Variants in RAD21L1 observed in about 807,000 individuals in gnomAD.
RAD21L1 encodes RAD21 cohesin complex component like 1.
RAD21L1 carries 47 observed loss-of-function variants against 69.0 expected under a neutral mutation model. The ratio of observed to expected loss-of-function variants is 0.68; its 90% confidence interval spans 0.54 to 0.87. RAD21L1 has a LOEUF of 0.87. Ranked by LOEUF, RAD21L1 falls within the 40% of genes least tolerant of loss-of-function variation. The pLI is 0.00. For missense variants in RAD21L1, 583 were observed against 647.6 expected, an observed-to-expected ratio of 0.90 and a Z score of 1.08; for synonymous variants, 177 against 205.8, an observed-to-expected ratio of 0.86 and a Z score of 1.20.
Position 1,239,297 on chromosome 20 carries a change from A to G in RAD21L1, c.647-15A>G. The G allele has an allele frequency of 7.2e-7, 1 of 1,384,778 alleles. No homozygotes were observed. Among genetic ancestry groups the G allele is most frequent in the Non-Finnish European group, 1.0e-6 (1 of 1,001,288 alleles). 85.8% of individuals were successfully genotyped at this position (1,384,778 alleles called of 1,614,324 possible). A position where few individuals can be genotyped will look rare whatever the true frequency, so the allele number is the denominator to read the frequency against. Reference sequence around the variant, plus strand: ...TTCCAGTCTGTATGAAAAAATATTCATTGTGTTTTTCAAGACAATCTATTG... The same window carrying G: ...TTCCAGTCTGTATGAAAAAATATTCGTTGTGTTTTTCAAGACAATCTATTG... On this transcript the variant is annotated splice_polypyrimidine_tract_variant and intron_variant, in intron 6 of 13. Transcript: ENST00000683101.
chr20:1,244,257 A>G, intron 11 of RAD21L1, 87 bp downstream of exon 11: 2 of 912,292 alleles, frequency 2.2e-6, no homozygotes, highest in Non-Finnish European at 3.2e-6. Flanking sequence ...ATTTTCTTAC[A>G]TTTGTGTAGT....
At chr20:1,240,562 AGAG>A (rs1163502062) in intron 8 of RAD21L1, 128 bp downstream of exon 8, 8 of 1,362,298 alleles carry the variant, frequency 5.9e-6, no homozygotes, top group South Asian at 1.8e-5. Flanking sequence ...GTAACACAAT[AGAG>A]GAGAAGACGG....
intron 13 of RAD21L1, among the ~76,000 whole-genome samples, chr20:1,251,370 G>T (rs1438840371): frequency 2.8e-5 from 4 of 144,786 alleles, no homozygotes; most frequent in East Asian, 2.0e-4. Flanking sequence ...ATGTGCTTTG[G>T]TTTTTTTTTT....
Position 1,229,934 on chromosome 20 carries a change from T to C in RAD21L1, c.199T>C (p.Tyr67His). 2 of 1,550,562 alleles carry C rather than the reference T, an allele frequency of 1.3e-6. No individual in the cohort carries two copies. The highest frequency in any genetic ancestry group is 2.5e-5 in the East Asian group (1 of 40,802). ...CCTTCTTTTGGGAGTTGTTCGAATC[T>C]ATAACAGGAAGGCAAAATATCTTTT... Reference protein sequence around the residue: ...GHLLLGVVRIYNRKAKYLLAD... With the variant: ...GHLLLGVVRIHNRKAKYLLAD... Residue 67 changes from tyrosine (Y) to histidine (H), a missense_variant, in exon 3 of 14, where the codon TAT becomes CAT. Physicochemically the swap from Tyr to His is moderately conservative, Grantham distance 83. Transcript: ENST00000683101.
At chr20:1,234,060 T>C in intron 4 of RAD21L1, 25 bp from the exon 5 acceptor site, 1 of 1,110,328 alleles carries the variant, frequency 9.0e-7, no homozygotes, top group Non-Finnish European at 1.3e-6. Context: ...TCTCATGTTT[T>C]TCTCAACCTT....
chr20:1,237,666 A>G (rs989152331), intron 5 of RAD21L1, among the ~76,000 whole-genome samples: 5 of 152,140 alleles, frequency 3.3e-5, no homozygotes, highest in African/African-American at 1.2e-4. Context: ...TCCACTATGC[A>G]TGAACACTAC....
At chr20:1,254,234 C>T (rs1281602521) in intron 13 of RAD21L1, 35 bp from the exon 14 acceptor site, 4 of 1,369,410 alleles carry the variant, frequency 2.9e-6, no homozygotes, top group South Asian at 3.1e-5. Context: ...GATCTTGTTT[C>T]CCATTTCTTT....
chr20:1,240,795 C>G (rs1300376672), intron 8 of RAD21L1, among the ~76,000 whole-genome samples: 3 of 152,178 alleles, frequency 2.0e-5, no homozygotes, highest in African/African-American at 7.2e-5. Context: ...CTACTCCTTC[C>G]CTGCATAAAC....
chr20:1,233,837 T>C (rs182431720), intron 4 of RAD21L1, among the ~76,000 whole-genome samples: 26 of 152,260 alleles, frequency 1.7e-4, no homozygotes, highest in Admixed American at 1.5e-3. Flanking sequence ...ATTTAGGCCA[T>C]AGCAAAAGTC....
At chr20:1,249,616 T>C (rs1322812542) in intron 13 of RAD21L1, among the ~76,000 whole-genome samples, 1 of 152,202 alleles carries the variant, frequency 6.6e-6, no homozygotes. Context: ...TATCACTTTT[T>C]ACACTTCATT....
Position 1,238,153 on chromosome 20 carries a change from A to G in RAD21L1, c.585A>G (p.Arg195=), listed in dbSNP as rs1005984015. 17 of 1,545,194 alleles carry G rather than the reference A, an allele frequency of 1.1e-5. No individual in the cohort carries two copies. The highest frequency in any genetic ancestry group is 1.5e-5 in the Non-Finnish European group (17 of 1,142,840). ...EHSSGSLTGE[R]SLFYDSGDGF... ...GTTCTGGAAGCCTCACTGGAGAACGATCTCTATTCTATGACAGTGGAGATG... is the reference window on the plus strand; with the variant it reads ...GTTCTGGAAGCCTCACTGGAGAACGGTCTCTATTCTATGACAGTGGAGATG... Residue 195 remains arginine (R), a synonymous_variant, in exon 6 of 14, where the codon CGA becomes CGG. Coordinates refer to ENST00000683101, the MANE Select transcript of RAD21L1 (RefSeq NM_001384355.1).
intron 4 of RAD21L1, among the ~76,000 whole-genome samples, chr20:1,232,254 A>G (rs1164923903): frequency 6.6e-6 from 1 of 152,200 alleles, no homozygotes; most frequent in African/African-American, 2.4e-5. Flanking sequence ...TCAGAGAGAT[A>G]GCAGGAGACA....
chr20:1,244,474 C>T (rs1169059064), intron 11 of RAD21L1, among the ~76,000 whole-genome samples: 1 of 152,102 alleles, frequency 6.6e-6, no homozygotes, highest in Non-Finnish European at 1.5e-5. Flanking sequence ...TACTAGGCCT[C>T]ATATTCTTTG....
intron 8 of RAD21L1, among the ~76,000 whole-genome samples, chr20:1,242,158 G>C (rs1315723538): frequency 6.6e-6 from 1 of 152,104 alleles, no homozygotes; most frequent in Non-Finnish European, 1.5e-5. Context: ...TCAGCTATTG[G>C]TTGCTCAGCA....
In RAD21L1 at chr20:1,254,793, C is replaced by A. The variant is rs115884757; in HGVS notation, c.*336C>A. On this transcript the variant is annotated 3_prime_UTR_variant, in exon 14 of 14. Transcript: ENST00000683101. ...GGACTACAGGCACATGCCACCATAC[C>A]TGGCTCAGAAATACTTAATTATAGC... Among the ~76,000 whole-genome samples, 704 of 152,220 alleles carry A rather than the reference C, an allele frequency of 4.6e-3. 5 individuals are homozygous for A. Among genetic ancestry groups the A allele is most frequent in the African/African-American group, 0.015 (638 of 41,538 alleles).
At chr20:1,250,596 C>A (rs1456711088) in intron 13 of RAD21L1, among the ~76,000 whole-genome samples, 1 of 152,160 alleles carries the variant, frequency 6.6e-6, no homozygotes, top group Non-Finnish European at 1.5e-5. Context: ...TTTCTTAATC[C>A]AGTCTATCAT....
chr20:1,237,461 T>C (rs535055987), intron 5 of RAD21L1, among the ~76,000 whole-genome samples: 2 of 152,118 alleles, frequency 1.3e-5, no homozygotes, highest in Admixed American at 1.3e-4. Flanking sequence ...TTCTATTACA[T>C]AATATAATAC....
At chr20:1,237,583 A>G (rs2087526090) in intron 5 of RAD21L1, among the ~76,000 whole-genome samples, 1 of 150,710 alleles carries the variant, frequency 6.6e-6, no homozygotes, top group African/African-American at 2.5e-5. Context: ...TGAATGTTGT[A>G]AGCCCATTCT....
intron 4 of RAD21L1, 116 bp from the exon 5 acceptor site, chr20:1,233,969 A>G: frequency 1.8e-6 from 1 of 570,888 alleles, no homozygotes; most frequent in Non-Finnish European, 3.1e-6. Flanking sequence ...AGTGTTTATA[A>G]ATAATACTAT....
Sources: allele counts gnomAD v4.1 joint callset (sites outside exome capture counted in the v4.1 genomes callset), GRCh38; gene constraint gnomAD v4.1.1; transcripts MANE v1.5; gene names NCBI Gene and HGNC (gene_info 2026-07-23, HGNC 2026-07-21).